CPNE5: variants seen among roughly 807,000 people sequenced by gnomAD.
The protein encoded by CPNE5 is copine-5.
A neutral mutation model predicts 81.1 loss-of-function variants in CPNE5; 42 were observed. That is an observed-to-expected ratio of 0.52 (90% confidence interval 0.40 to 0.67). The LOEUF is 0.67. Ranked by LOEUF, CPNE5 falls within the 30% of genes least tolerant of loss-of-function variation. The probability of loss-of-function intolerance (pLI) is 0.00; values close to 1 mark genes in which losing one functional copy is unlikely to be tolerated. For missense variants in CPNE5, 612 were observed against 815.5 expected, an observed-to-expected ratio of 0.75 and a Z score of 3.04; for synonymous variants, 313 against 321.5, an observed-to-expected ratio of 0.97 and a Z score of 0.28.
At chr6:36,838,597 A>G (rs917922405) in intron 1 of CPNE5, 4 of 195,288 alleles carry the variant, frequency 2.0e-5, no homozygotes, top group Non-Finnish European at 3.7e-5. Flanking sequence ...GTTGGACTCT[A>G]CAGTTTCACA....
intron 8 of CPNE5, among the ~76,000 whole-genome samples, chr6:36,782,868 CAA>C (rs56046087): frequency 1.5e-4 from 21 of 142,092 alleles, no homozygotes; most frequent in African/African-American, 4.7e-4. Context: ...CACACACACA[CAA>C]AACGGCACAA....
intron 10 of CPNE5, among the ~76,000 whole-genome samples, chr6:36,768,568 CT>C (rs543316913): frequency 1.4e-3 from 206 of 152,306 alleles, no homozygotes; most frequent in Non-Finnish European, 2.1e-3. Context: ...CCTGGTTGGG[CT>C]GCCTGAAGTC....
At chr6:36,822,021 A>G in intron 3 of CPNE5, 93 bp downstream of exon 3, 1 of 1,209,832 alleles carries the variant, frequency 8.3e-7, no homozygotes, top group Non-Finnish European at 1.2e-6. Context: ...TGCTGCAGTT[A>G]GAAACATGTC....
chr6:36,776,015 A>G lies in CPNE5; in HGVS notation c.633-950T>C, dbSNP rs138288699. Among the ~76,000 whole-genome samples, 1,307 of 152,262 alleles carry G rather than the reference A, an allele frequency of 8.6e-3. 15 individuals are homozygous for G. The highest frequency in any genetic ancestry group is 0.029 in the African/African-American group (1,224 of 41,522). Reference sequence around the variant, plus strand: ...CTTTAAGACCCTTTCTGCTTTTCCCATCTGAATCCATGAACCTGTTTTGCA... The same window carrying G: ...CTTTAAGACCCTTTCTGCTTTTCCCGTCTGAATCCATGAACCTGTTTTGCA... On this transcript the variant is annotated intron_variant, in intron 9 of 20. Coordinates refer to ENST00000244751, the MANE Select transcript of CPNE5 (RefSeq NM_020939.2).
chr6:36,794,560 C>T lies in CPNE5; in HGVS notation c.464+30G>A, dbSNP rs764337698. 9 of 1,609,912 alleles carry T rather than the reference C, an allele frequency of 5.6e-6. No individual in the cohort carries two copies. In the East Asian group the frequency reaches 1.6e-4, roughly 28 times the overall value. ...GCAGAGCTGGCTGAATGTCTAAGGACTCCAGGGCCAGAGATGTCTGGCAAC... is the reference window on the plus strand; with the variant it reads ...GCAGAGCTGGCTGAATGTCTAAGGATTCCAGGGCCAGAGATGTCTGGCAAC... On this transcript the variant is annotated intron_variant, in intron 7 of 20. Coordinates refer to ENST00000244751, the MANE Select transcript of CPNE5 (RefSeq NM_020939.2).
intron 3 of CPNE5, among the ~76,000 whole-genome samples, chr6:36,819,281 G>T (rs934267246): frequency 6.6e-6 from 1 of 152,186 alleles, no homozygotes; most frequent in Admixed American, 6.5e-5. Flanking sequence ...TGTGTTTTTA[G>T]TAGAGATGGG....
chr6:36,836,745 C>G (rs1035358590), intron 1 of CPNE5, among the ~76,000 whole-genome samples: 3 of 152,128 alleles, frequency 2.0e-5, no homozygotes, highest in African/African-American at 7.2e-5. Context: ...TCTCCTCCTC[C>G]TTTTCCTCCT....
intron 9 of CPNE5, among the ~76,000 whole-genome samples, chr6:36,776,891 G>C (rs751136353): frequency 2.6e-5 from 4 of 152,006 alleles, no homozygotes; most frequent in Admixed American, 2.6e-4. Flanking sequence ...CTCCTTTCCC[G>C]GCAAACCCTC....
At chr6:36,792,544 C>T (rs936321715) in intron 7 of CPNE5, 4 of 516,124 alleles carry the variant, frequency 7.8e-6, no homozygotes, top group Admixed American at 2.4e-5. Context: ...TCTGATGTGT[C>T]ACGGGAGGGA....
At chr6:36,755,866 T>G (rs1765390570) in intron 13 of CPNE5, 1 of 239,748 alleles carries the variant, frequency 4.2e-6, no homozygotes, top group Non-Finnish European at 8.1e-6. Context: ...CTTGGTTTCC[T>G]CTTTCATGAC....
At chr6:36,760,180 A>G (rs1053083970) in intron 12 of CPNE5, among the ~76,000 whole-genome samples, 2 of 149,940 alleles carry the variant, frequency 1.3e-5, no homozygotes, top group African/African-American at 4.9e-5. Flanking sequence ...AGATTGTGCC[A>G]CTGCACTCCA....
chr6:36,778,828 T>C, intron 9 of CPNE5, 26 bp downstream of exon 9: 1 of 1,481,350 alleles, frequency 6.8e-7, no homozygotes, highest in Non-Finnish European at 9.4e-7. Flanking sequence ...GAAGGTGCAG[T>C]GCACAAGTGT....
chr6:36,823,111 GA>G lies in CPNE5; in HGVS notation c.96-14del, dbSNP rs780580383. On this transcript the variant is annotated splice_polypyrimidine_tract_variant and intron_variant, in intron 1 of 20. Transcript: ENST00000244751. Reference sequence around the variant, plus strand: ...GTCCAGGAGGTTCCTGAAAGAGGGGGAGAGAGGAGGGGTTAGCACGGCCAGC... The same window carrying G: ...GTCCAGGAGGTTCCTGAAAGAGGGGGGAGAGGAGGGGTTAGCACGGCCAGC... 10 of 1,560,272 alleles carry G rather than the reference GA, an allele frequency of 6.4e-6. No homozygotes were observed. In the Admixed American group the frequency reaches 7.2e-5, roughly 11 times the overall value.
At chr6:36,765,484 C>T in intron 10 of CPNE5, 108 bp from the exon 11 acceptor site, 1 of 1,343,026 alleles carries the variant, frequency 7.4e-7, no homozygotes, top group South Asian at 1.3e-5. Context: ...AGGACTCCCT[C>T]TGGGCCCCAG....
At chr6:36,826,688 G>A (rs1772530911) in intron 1 of CPNE5, among the ~76,000 whole-genome samples, 1 of 152,228 alleles carries the variant, frequency 6.6e-6, no homozygotes, top group South Asian at 2.1e-4. Context: ...TGGCAAGCTG[G>A]ATGGATGAAG....
chr6:36,742,201 TG>T lies in CPNE5; in HGVS notation c.*66del. The T allele has an allele frequency of 1.5e-6, 2 of 1,314,392 alleles. No individual in the cohort carries two copies. The highest frequency in any genetic ancestry group is 2.1e-6 in the Non-Finnish European group (2 of 954,818). 81.4% of individuals were successfully genotyped at this position (1,314,392 alleles called of 1,614,324 possible). On this transcript the variant is annotated 3_prime_UTR_variant, in exon 21 of 21. Transcript: ENST00000244751. ...CCGGGCAGGCCAACTTCGGGGAGTC[TG>T]GGGCCCTGGCCTCCCATTCACCTGG...
chr6:36,766,625 G>A lies in CPNE5; in HGVS notation c.738-1249C>T, dbSNP rs749781048. On this transcript the variant is annotated intron_variant, in intron 10 of 20. Transcript: ENST00000244751. This position sits in a 1 kb window ranked among gnomAD's most constrained non-coding sequence, Gnocchi z 4.2. Reference sequence around the variant, plus strand: ...GGTGGGTTGATGAGCTGGAAAGAGTGGAAAGACCAGGACGGCCCTACGCTT... The same window carrying A: ...GGTGGGTTGATGAGCTGGAAAGAGTAGAAAGACCAGGACGGCCCTACGCTT... Among the ~76,000 whole-genome samples the A allele has an allele frequency of 1.5e-3, 223 of 152,174 alleles. 3 individuals carry two copies. Among genetic ancestry groups the A allele is most frequent in the Admixed American group, 3.2e-3 (49 of 15,286 alleles).
At chr6:36,747,442 C>T (rs936442995) in intron 15 of CPNE5, among the ~76,000 whole-genome samples, 1 of 152,150 alleles carries the variant, frequency 6.6e-6, no homozygotes, top group Non-Finnish European at 1.5e-5. Context: ...AATAATAGTT[C>T]CTACTTCATA....
At chr6:36,794,177 G>T (rs1031541966) in intron 7 of CPNE5, among the ~76,000 whole-genome samples, 2 of 150,466 alleles carry the variant, frequency 1.3e-5, no homozygotes, top group African/African-American at 4.9e-5. Flanking sequence ...GGGAACAGGG[G>T]GGAAAGGATA....
Sources: gnomAD v4.1 joint callset for allele counts (sites outside exome capture counted in the v4.1 genomes callset) on GRCh38, gnomAD v4.1.1 for gene constraint, Gnocchi (gnomAD v3.1) non-coding constraint, MANE v1.5 for transcripts, NCBI Gene and HGNC (gene_info 2026-07-23, HGNC 2026-07-21) for gene names.